The following UBR1 variants were observed in gnomAD, a reference collection of about 807,000 sequenced individuals.
The protein encoded by UBR1 is E3 ubiquitin-protein ligase UBR1.
Under a neutral mutation model 242.1 loss-of-function variants are expected in UBR1, and 102 were observed. That is an observed-to-expected ratio of 0.42 (90% CI 0.36 to 0.50). The LOEUF (loss-of-function observed/expected upper bound fraction) is 0.50. Ranked by LOEUF, UBR1 falls within the 20% of genes least tolerant of loss-of-function variation. The pLI is 0.01. For synonymous variants in UBR1, 675 were observed against 684.8 expected, an observed-to-expected ratio of 0.99 and a Z score of 0.22; for missense variants, 1,772 against 2,101.8, an observed-to-expected ratio of 0.84 and a Z score of 3.07.
intron 35 of UBR1, among the ~76,000 whole-genome samples, chr15:42,987,129 C>T (rs928044331): frequency 2.6e-5 from 4 of 152,236 alleles, no homozygotes; most frequent in African/African-American, 7.2e-5. Context: ...AGGATGGTCA[C>T]GGCCTAGCCA....
At chr15:43,023,102 C>T (rs888134114) in intron 25 of UBR1, among the ~76,000 whole-genome samples, 5 of 151,900 alleles carry the variant, frequency 3.3e-5, no homozygotes, top group African/African-American at 7.3e-5. Flanking sequence ...TAAACTCCTG[C>T]GCTCAAGTGA....
intron 39 of UBR1, among the ~76,000 whole-genome samples, chr15:42,975,763 A>C (rs932423944): frequency 2.6e-5 from 4 of 151,420 alleles, no homozygotes; most frequent in Non-Finnish European, 5.9e-5. Flanking sequence ...GCGTAAAGGC[A>C]CTCTGCATGG....
chr15:42,952,348 T>A lies in UBR1; in HGVS notation c.4936A>T (p.Asn1646Tyr). 1.9e-6 allele frequency: 3 copies of A among 1,614,164 alleles called. No individual in the cohort carries two copies. The highest frequency in any genetic ancestry group is 2.5e-6 in the Non-Finnish European group (3 of 1,180,034). The stretch of plus-strand genomic sequence containing the variant: ...ATGCAAGCTCCAACCTCTTCCCCGT[T>A]CACAATTTCCTGGCAGCAAATGTTC... Reference protein sequence around the residue: ...SQNICCQEIVNGEEVGACIFH... With the variant: ...SQNICCQEIVYGEEVGACIFH... The change falls in exon 45 of 47, where the codon AAC (asparagine) becomes TAC (tyrosine). Residue 1646 changes from asparagine (N) to tyrosine (Y), a missense_variant. By Grantham distance (143) the Asn-to-Tyr change is moderately radical. Transcript: ENST00000290650.
At chr15:43,102,303 G>T (rs952075094) in intron 1 of UBR1, among the ~76,000 whole-genome samples, 1 of 152,140 alleles carries the variant, frequency 6.6e-6, no homozygotes, top group Non-Finnish European at 1.5e-5. Flanking sequence ...CATCAACTAT[G>T]GCTTGGGTTA....
chr15:43,024,748 C>A (rs1371180752), intron 25 of UBR1, 81 bp downstream of exon 25: 8 of 1,595,356 alleles, frequency 5.0e-6, no homozygotes, highest in Non-Finnish European at 6.0e-6. Flanking sequence ...GTGGTTCCAA[C>A]TGAAGTTAGA....
At chr15:43,070,651 T>G in intron 5 of UBR1, 144 bp downstream of exon 5, 2 of 1,297,846 alleles carry the variant, frequency 1.5e-6, no homozygotes, top group Non-Finnish European at 2.2e-6. Flanking sequence ...AAACGGACAT[T>G]TTGAAATATT....
At chr15:42,996,168 C>T (rs1008050820) in intron 33 of UBR1, among the ~76,000 whole-genome samples, 3 of 152,160 alleles carry the variant, frequency 2.0e-5, no homozygotes, top group Admixed American at 6.6e-5. Context: ...TGATCAATTC[C>T]TTCTTAAAAA....
intron 41 of UBR1, among the ~76,000 whole-genome samples, chr15:42,965,201 C>T (rs141651832): frequency 1.3e-3 from 195 of 152,264 alleles, no homozygotes; most frequent in African/African-American, 4.6e-3. Context: ...GATAAAGAAG[C>T]TGATAGCCAG....
At chr15:43,052,727 C>T (rs1233279281) in intron 12 of UBR1, among the ~76,000 whole-genome samples, 2 of 150,696 alleles carry the variant, frequency 1.3e-5, no homozygotes, top group East Asian at 3.9e-4. Context: ...AGAATTTCTA[C>T]AATGAGAGAC....
chr15:42,951,766 G>A (rs1257199515), intron 45 of UBR1, among the ~76,000 whole-genome samples: 1 of 151,942 alleles, frequency 6.6e-6, no homozygotes, highest in Non-Finnish European at 1.5e-5. Flanking sequence ...CTGCAGCCAT[G>A]TGCTACCATG....
chr15:43,076,648 T>C (rs2033901239), intron 3 of UBR1, among the ~76,000 whole-genome samples: 1 of 143,394 alleles, frequency 7.0e-6, no homozygotes, highest in Non-Finnish European at 1.5e-5. Flanking sequence ...GTCTGAGAAG[T>C]GAGGAAACCC....
chr15:42,960,688 G>A lies in UBR1; in HGVS notation c.4714C>T (p.Pro1572Ser). 1 of 1,613,956 alleles carries A rather than the reference G, an allele frequency of 6.2e-7. No individual in the cohort carries two copies. Among genetic ancestry groups the A allele is most frequent in the African/African-American group, 1.3e-5 (1 of 75,020 alleles). Residue 1572 changes from proline (P) to serine (S), a missense_variant, in exon 43 of 47, where the codon CCT (proline) becomes TCT (serine). This residue lies in a region of UBR1 where 965 missense variants were observed against 1,079.7 expected (regional missense o/e 0.89). Coordinates refer to ENST00000290650, the MANE Select transcript of UBR1 (RefSeq NM_174916.3). ...TGCTTCAAACAGTTTAGTAAGGCAG[G>A]ATCTGCACACCACCTGTATGTGGAG... ...RPLLQRWCAD[P>S]ALLNCLKQKN... is the part of the protein sequence containing the mutation.
intron 1 of UBR1, among the ~76,000 whole-genome samples, chr15:43,104,701 TAA>T (rs1218487633): frequency 6.8e-6 from 1 of 146,314 alleles, no homozygotes; most frequent in Non-Finnish European, 1.5e-5. Flanking sequence ...TATGCAGGGT[TAA>T]AAAAAAAAAC....
intron 29 of UBR1, among the ~76,000 whole-genome samples, chr15:43,008,683 T>A (rs1187545210): frequency 6.6e-6 from 1 of 152,164 alleles, no homozygotes; most frequent in Non-Finnish European, 1.5e-5. Flanking sequence ...GGGTGAGAAT[T>A]TATGGTGCTT....
intron 15 of UBR1, 80 bp downstream of exon 15, chr15:43,043,135 A>G: frequency 1.3e-6 from 2 of 1,535,780 alleles, no homozygotes; most frequent in Non-Finnish European, 1.8e-6. Flanking sequence ...GCACAGAACA[A>G]AAATAGAAAT....
At chr15:43,009,005 A>G (rs981364194) in intron 29 of UBR1, among the ~76,000 whole-genome samples, 1 of 152,180 alleles carries the variant, frequency 6.6e-6, no homozygotes, top group Non-Finnish European at 1.5e-5. Context: ...TTGTCCGTGT[A>G]CCTCATTCTT....
Position 43,029,978 on chromosome 15 carries a change from G to T in UBR1, c.2345C>A (p.Pro782Gln). The change falls in exon 21 of 47, where the codon CCA becomes CAA. Residue 782 changes from proline to glutamine, a missense_variant. By Grantham distance (76) the Pro-to-Gln change is moderately conservative. Coordinates refer to ENST00000290650, the MANE Select transcript of UBR1 (RefSeq NM_174916.3). ...TAAATTTTTGGCAATGGCACTGTGT[G>T]GCATGGGTTCAATGCAAAGCAAGTG... ...IIHLLCIEPM[P>Q]HSAIAKNLPE... 6.2e-7 allele frequency: 1 copy of T among 1,614,040 alleles called. No individual in the cohort carries two copies. Among genetic ancestry groups the T allele is most frequent in the Non-Finnish European group, 8.5e-7 (1 of 1,179,994 alleles).
intron 1 of UBR1, among the ~76,000 whole-genome samples, chr15:43,093,892 T>G (rs1296406897): frequency 2.0e-5 from 3 of 151,968 alleles, no homozygotes; most frequent in Non-Finnish European, 1.5e-5. Flanking sequence ...CCAATATAAT[T>G]CACTCTGCTT....
intron 10 of UBR1, among the ~76,000 whole-genome samples, chr15:43,057,372 A>C (rs2033631136): frequency 6.6e-6 from 1 of 152,168 alleles, no homozygotes; most frequent in Non-Finnish European, 1.5e-5. Context: ...TTCCAATTCC[A>C]TCTTGGGTCC....
Sources: allele counts gnomAD v4.1 joint callset (sites outside exome capture counted in the v4.1 genomes callset), GRCh38; gene constraint gnomAD v4.1.1; regional missense constraint gnomAD v4.1.1; transcripts MANE v1.5; gene names NCBI Gene and HGNC (gene_info 2026-07-23, HGNC 2026-07-21).